Variants in NUP98 observed in about 807,000 individuals in gnomAD.
The protein encoded by NUP98 is nuclear pore complex protein Nup98-Nup96.
In NUP98, 26 loss-of-function variants were observed where a neutral mutation model predicts 191.9. That is an observed-to-expected ratio of 0.14 (90% confidence interval 0.10 to 0.19). The LOEUF (loss-of-function observed/expected upper bound fraction) is 0.19. Ranked by LOEUF, NUP98 falls within the 10% of genes least tolerant of loss-of-function variation. The pLI is 1.00. For synonymous variants in NUP98, 808 were observed against 778.4 expected, an observed-to-expected ratio of 1.04 and a Z score of -0.63; for missense variants, 1,941 against 2,178.8, an observed-to-expected ratio of 0.89 and a Z score of 2.17.
At chr11:3,736,446 A>C (rs1029894602) in intron 12 of NUP98, among the ~76,000 whole-genome samples, 13 of 152,198 alleles carry the variant, frequency 8.5e-5, no homozygotes, top group African/African-American at 3.1e-4. Context: ...ACTTGAGGTG[A>C]GGAGTTTGAG....
intron 10 of NUP98, among the ~76,000 whole-genome samples, chr11:3,755,800 C>T (rs2080939987): frequency 6.6e-6 from 1 of 151,944 alleles, no homozygotes; most frequent in Non-Finnish European, 1.5e-5. Flanking sequence ...CCATATCTAC[C>T]AAAAAATACA....
intron 27 of NUP98, among the ~76,000 whole-genome samples, chr11:3,692,665 G>A (rs2078355528): frequency 6.6e-6 from 1 of 151,824 alleles, no homozygotes; most frequent in African/African-American, 2.4e-5. Context: ...GGTCAATGAT[G>A]TATTTCATCT....
At chr11:3,763,364 C>T (rs2081237431) in intron 8 of NUP98, among the ~76,000 whole-genome samples, 1 of 152,074 alleles carries the variant, frequency 6.6e-6, no homozygotes, top group East Asian at 1.9e-4. Flanking sequence ...AAGACTTTAA[C>T]TCTTGTGCTC....
At chr11:3,692,451 C>T (rs779130757) in intron 27 of NUP98, among the ~76,000 whole-genome samples, 1 of 151,764 alleles carries the variant, frequency 6.6e-6, no homozygotes, top group Non-Finnish European at 1.5e-5. Flanking sequence ...CATGGTGAAA[C>T]CGCGTCTCTA....
chr11:3,795,552 T>C (rs1025577513), intron 1 of NUP98, among the ~76,000 whole-genome samples: 2 of 152,206 alleles, frequency 1.3e-5, no homozygotes, highest in African/African-American at 4.8e-5. Context: ...CTCTATTGAC[T>C]ACTGTTAGGT....
chr11:3,699,110 A>G lies in NUP98; in HGVS notation c.3981T>C (p.Ser1327=), dbSNP rs764104940. 6 of 1,613,074 alleles carry G rather than the reference A, an allele frequency of 3.7e-6. No homozygotes were observed. The highest frequency in any genetic ancestry group is 3.3e-5 in the Admixed American group (2 of 60,024). ...ACTGCTGGGCCAGAGAGCAGGCCTCACTGATCCTTTTGCCTGTGAGGTAGC... is the reference window on the plus strand; with the variant it reads ...ACTGCTGGGCCAGAGAGCAGGCCTCGCTGATCCTTTTGCCTGTGAGGTAGC... ...VFSYLTGKRI[S]EACSLAQQSG... The change falls in exon 25 of 33, where the codon AGT becomes AGC. Residue 1327 remains serine, a synonymous_variant. Coordinates refer to ENST00000324932, the MANE Select transcript of NUP98 (RefSeq NM_016320.5).
At chr11:3,755,709 A>G (rs1399921334) in intron 10 of NUP98, among the ~76,000 whole-genome samples, 1 of 152,222 alleles carries the variant, frequency 6.6e-6, no homozygotes, top group African/African-American at 2.4e-5. Context: ...TCACGCCTGT[A>G]ATCCCGCCAC....
intron 1 of NUP98, among the ~76,000 whole-genome samples, chr11:3,786,526 T>C (rs2082146628): frequency 6.6e-6 from 1 of 152,184 alleles, no homozygotes; most frequent in South Asian, 2.1e-4. Flanking sequence ...AAGAAACCTT[T>C]AACTTTATCC....
Position 3,782,143 on chromosome 11 carries a change from A to G in NUP98, c.-26T>C. 1 of 1,534,012 alleles carries G rather than the reference A, an allele frequency of 6.5e-7. No homozygotes were observed. The highest frequency in any genetic ancestry group is 9.0e-7 in the Non-Finnish European group (1 of 1,114,380). ...CTTCAAAATGAGTCTTTGTTTCAGAAAGCTGGGAAAAAGAAAACATTATCA... is the reference window on the plus strand; with the variant it reads ...CTTCAAAATGAGTCTTTGTTTCAGAGAGCTGGGAAAAAGAAAACATTATCA... On this transcript the variant is annotated splice_region_variant and 5_prime_UTR_variant, in exon 2 of 33. Coordinates refer to ENST00000324932, the MANE Select transcript of NUP98 (RefSeq NM_016320.5).
In NUP98 at chr11:3,675,892, C is replaced by T. The variant is rs1239741675; in HGVS notation, c.*267G>A. 4 of 491,036 alleles carry T rather than the reference C, an allele frequency of 8.1e-6. No homozygotes were observed. Among genetic ancestry groups the T allele is most frequent in the South Asian group, 4.7e-5 (2 of 42,144 alleles). 30.4% of individuals were successfully genotyped at this position (491,036 alleles called of 1,614,324 possible). A position where few individuals can be genotyped will look rare whatever the true frequency, so the allele number is the denominator to read the frequency against. On this transcript the variant is annotated 3_prime_UTR_variant, in exon 33 of 33. Coordinates refer to ENST00000324932, the MANE Select transcript of NUP98 (RefSeq NM_016320.5). ...TCTTTGGGGGATTCTGCCAAAGGAG[C>T]TTTATTGACCATTTTTTTAAAGGAA...
intron 5 of NUP98, 80 bp downstream of exon 5, chr11:3,775,802 A>G: frequency 1.4e-6 from 2 of 1,406,434 alleles, no homozygotes; most frequent in South Asian, 2.5e-5. Flanking sequence ...CTGGAAAGAG[A>G]AGCAATTTTA....
intron 12 of NUP98, among the ~76,000 whole-genome samples, chr11:3,742,282 C>T (rs192409534): frequency 1.3e-5 from 2 of 152,158 alleles, no homozygotes; most frequent in East Asian, 1.9e-4. Flanking sequence ...GCACTACTTT[C>T]GTAAGTTGTA....
chr11:3,728,802 G>T (rs1564852191), intron 14 of NUP98, among the ~76,000 whole-genome samples: 2 of 152,092 alleles, frequency 1.3e-5, no homozygotes, highest in Non-Finnish European at 2.9e-5. Context: ...GGTAATTCAG[G>T]CAAGAGATAG....
At position 3,689,801 on chromosome 11, in the gene NUP98, AT is replaced by A. The variant is rs2078250253; in HGVS notation, c.4454+1545del. On this transcript the variant is annotated intron_variant, in intron 28 of 32. Transcript: ENST00000324932. Reference sequence around the variant, plus strand: ...GACTACACACTACCACACATGGCTAATTTTTTTTTACTTTTAGTAGAAACAG... The same window carrying A: ...GACTACACACTACCACACATGGCTAATTTTTTTTACTTTTAGTAGAAACAG... Among the ~76,000 whole-genome samples the A allele has an allele frequency of 4.0e-5, 6 of 150,450 alleles. No individual in the cohort carries two copies. In the East Asian group the frequency reaches 1.2e-3, roughly 30 times the overall value.
intron 8 of NUP98, among the ~76,000 whole-genome samples, chr11:3,768,367 G>A (rs2081408250): frequency 6.6e-6 from 1 of 150,876 alleles, no homozygotes; most frequent in Non-Finnish European, 1.5e-5. Flanking sequence ...CTTGCAGTGA[G>A]CTGAGACTGG....
chr11:3,696,855 G>C (rs181497439), intron 25 of NUP98: 1 of 151,896 alleles, frequency 6.6e-6, no homozygotes, highest in Non-Finnish European at 1.5e-5. Context: ...AAGGGGGGGA[G>C]TAGTAAAGCA....
At chr11:3,712,043 T>C (rs1290579561) in intron 20 of NUP98, 1 of 1,049,420 alleles carries the variant, frequency 9.5e-7, no homozygotes, top group African/African-American at 1.7e-5. Flanking sequence ...TTCATTTACA[T>C]TCCCAAACTA....
chr11:3,724,780 CA>C (rs71041382), intron 15 of NUP98, among the ~76,000 whole-genome samples: 96 of 80,040 alleles, frequency 1.2e-3, no homozygotes, highest in Admixed American at 1.4e-3. Context: ...GACTCTGTCT[CA>C]AAAAAAAAAA....
At chr11:3,712,378 C>T (rs1045108805) in intron 20 of NUP98, 186 bp downstream of exon 20, 7 of 1,395,408 alleles carry the variant, frequency 5.0e-6, no homozygotes, top group Non-Finnish European at 6.5e-6. Flanking sequence ...CTTTAAATCT[C>T]TCCAGTAAAA....
Sources: allele counts gnomAD v4.1 joint callset (sites outside exome capture counted in the v4.1 genomes callset), GRCh38; gene constraint gnomAD v4.1.1; transcripts MANE v1.5; gene names NCBI Gene and HGNC (gene_info 2026-07-23, HGNC 2026-07-21).